Variants in WWOX observed in about 807,000 individuals in gnomAD.
WWOX encodes the protein WW domain containing oxidoreductase.
In WWOX, 69 loss-of-function variants were observed where a neutral mutation model predicts 46.2. The observed-to-expected ratio is 1.49, with a 90% CI of 1.23 to 1.82. The LOEUF (loss-of-function observed/expected upper bound fraction) is 1.82, where lower values mean the gene tolerates loss of function less well. Ranked by LOEUF, WWOX falls within the 40% of genes most tolerant of loss-of-function variation. The pLI is 0.00. For synonymous variants in WWOX, 359 were observed against 202.6 expected, an observed-to-expected ratio of 1.77 and a Z score of -6.56; for missense variants, 919 against 542.6, an observed-to-expected ratio of 1.69 and a Z score of -6.89.
chr16:78,850,882 A>G (rs918910089), intron 8 of WWOX, among the ~76,000 whole-genome samples: 1 of 152,192 alleles, frequency 6.6e-6, no homozygotes, highest in East Asian at 1.9e-4. Flanking sequence ...TTGGCTCAAC[A>G]TGGAAGATTT....
intron 5 of WWOX, among the ~76,000 whole-genome samples, chr16:78,224,676 G>A (rs150807815): frequency 1.1e-4 from 16 of 152,182 alleles, no homozygotes; most frequent in Non-Finnish European, 5.9e-5. Flanking sequence ...GCGCTTGGAA[G>A]TGCTGGTTCC....
At chr16:79,131,123 C>T (rs978215196) in intron 8 of WWOX, among the ~76,000 whole-genome samples, 1 of 152,188 alleles carries the variant, frequency 6.6e-6, no homozygotes, top group Non-Finnish European at 1.5e-5. Flanking sequence ...AGACTCCATG[C>T]TGCCCCTGCC....
intron 8 of WWOX, among the ~76,000 whole-genome samples, chr16:79,114,587 G>A (rs567257631): frequency 2.6e-5 from 4 of 152,026 alleles, no homozygotes; most frequent in African/African-American, 9.6e-5. Context: ...TAGAGCCTTC[G>A]GAGGGAGCGC....
chr16:78,943,893 A>C (rs1446276320), intron 8 of WWOX, among the ~76,000 whole-genome samples: 3 of 152,186 alleles, frequency 2.0e-5, no homozygotes, highest in Non-Finnish European at 4.4e-5. Context: ...GAGATGAAGC[A>C]GCAGCCACAG....
intron 8 of WWOX, among the ~76,000 whole-genome samples, chr16:78,558,643 G>C (rs1597264599): frequency 1.3e-5 from 2 of 152,212 alleles, no homozygotes; most frequent in South Asian, 2.1e-4. Flanking sequence ...CTTACACCTA[G>C]CTGTTGTGTT....
At chr16:78,985,871 C>G (rs1192644073) in intron 8 of WWOX, among the ~76,000 whole-genome samples, 5 of 152,242 alleles carry the variant, frequency 3.3e-5, no homozygotes, top group Non-Finnish European at 7.3e-5. Context: ...TGCCTGCATT[C>G]CAAATGGCTG....
chr16:78,421,661 G>T (rs2082935007), intron 6 of WWOX, among the ~76,000 whole-genome samples: 1 of 152,184 alleles, frequency 6.6e-6, no homozygotes, highest in Non-Finnish European at 1.5e-5. Context: ...ATGGGAGGTT[G>T]CTATGGGAAT....
chr16:78,203,773 TGC>T (rs1336728788), intron 5 of WWOX, among the ~76,000 whole-genome samples: 3 of 152,172 alleles, frequency 2.0e-5, no homozygotes, highest in Non-Finnish European at 4.4e-5. Flanking sequence ...GGCAAGCGCG[TGC>T]TAGTTATTTT....
In WWOX at chr16:79,185,292, A is replaced by G. The variant is rs573811186; in HGVS notation, c.1057-26316A>G. Among the ~76,000 whole-genome samples the G allele has an allele frequency of 6.8e-4, 104 of 152,366 alleles. 1 individual carries two copies. In the South Asian group the frequency reaches 0.022, roughly 32 times the overall value. On this transcript the variant is annotated intron_variant, in intron 8 of 8. Transcript: ENST00000566780. ...GCCTCTCTTCAATAAGAGCAGAGGC[A>G]GTCTCAATAAAAAACAAAATTTCAA...
chr16:78,100,865 T>C (rs2031730163), intron 1 of WWOX, among the ~76,000 whole-genome samples: 1 of 152,180 alleles, frequency 6.6e-6, no homozygotes, highest in African/African-American at 2.4e-5. Context: ...ATACACGTTT[T>C]GGGTCTCCAT....
At chr16:79,068,096 G>A (rs1186295009) in intron 8 of WWOX, among the ~76,000 whole-genome samples, 1 of 152,198 alleles carries the variant, frequency 6.6e-6, no homozygotes, top group Non-Finnish European at 1.5e-5. Flanking sequence ...TGGGAGGGGG[G>A]CTCCGGAAGA....
At position 79,111,750 on chromosome 16, in the gene WWOX, A is replaced by C. The variant is rs1028020875; in HGVS notation, c.1057-99858A>C. ...CACAGTGACAAAAGTATTTAGGCTCATCATATTAGAATTTCATCCAAAGAA... is the reference window on the plus strand; with the variant it reads ...CACAGTGACAAAAGTATTTAGGCTCCTCATATTAGAATTTCATCCAAAGAA... On this transcript the variant is annotated intron_variant, in intron 8 of 8. Transcript: ENST00000566780. Among the ~76,000 whole-genome samples, 4 of 152,316 alleles carry C rather than the reference A, an allele frequency of 2.6e-5. 1 individual carries two copies. In the South Asian group the frequency reaches 6.2e-4, roughly 24 times the overall value.
chr16:78,812,871 C>A (rs1036016979), intron 8 of WWOX, among the ~76,000 whole-genome samples: 10 of 152,306 alleles, frequency 6.6e-5, no homozygotes, highest in African/African-American at 2.2e-4. Context: ...TATTTTCTAT[C>A]ATTTCACATC....
chr16:78,653,534 C>A (rs1245867774), intron 8 of WWOX, among the ~76,000 whole-genome samples: 1 of 152,194 alleles, frequency 6.6e-6, no homozygotes, highest in Non-Finnish European at 1.5e-5. Flanking sequence ...TTTCCTACTC[C>A]TAAAAGAGAT....
At position 78,748,177 on chromosome 16, in the gene WWOX, C is replaced by A. The variant is rs377047725; in HGVS notation, c.1056+315425C>A. On this transcript the variant is annotated intron_variant, in intron 8 of 8. Coordinates refer to ENST00000566780, the MANE Select transcript of WWOX (RefSeq NM_016373.4). Reference sequence around the variant, plus strand: ...GTGTCATTGCCGAATTCCTGAGCTACAAAGGTGAACAGGCACCAAAGCTAG... The same window carrying A: ...GTGTCATTGCCGAATTCCTGAGCTAAAAAGGTGAACAGGCACCAAAGCTAG... Among the ~76,000 whole-genome samples the A allele has an allele frequency of 1.5e-3, 223 of 152,238 alleles. 1 individual carries two copies. The highest frequency in any genetic ancestry group is 5.0e-3 in the African/African-American group (207 of 41,546).
At chr16:78,988,931 T>C (rs2046832349) in intron 8 of WWOX, among the ~76,000 whole-genome samples, 1 of 152,108 alleles carries the variant, frequency 6.6e-6, no homozygotes, top group African/African-American at 2.4e-5. Context: ...CTTTTCAGCT[T>C]TGTTGGAAGG....
chr16:78,398,204 A>C (rs1171509919), intron 6 of WWOX, among the ~76,000 whole-genome samples: 1 of 152,202 alleles, frequency 6.6e-6, no homozygotes, highest in African/African-American at 2.4e-5. Flanking sequence ...ATGTCCTGCT[A>C]TCTGACCTGC....
intron 5 of WWOX, among the ~76,000 whole-genome samples, chr16:78,269,697 A>G (rs556694481): frequency 2.0e-5 from 3 of 152,328 alleles, no homozygotes; most frequent in Admixed American, 6.5e-5. Context: ...CAGCATTTCA[A>G]TGTATATTGT....
intron 8 of WWOX, among the ~76,000 whole-genome samples, chr16:79,079,327 T>G (rs1194994152): frequency 6.6e-6 from 1 of 152,184 alleles, no homozygotes; most frequent in South Asian, 2.1e-4. Context: ...TTTGCCTCTC[T>G]TTTTTTCTTG....
Sources: gnomAD v4.1 joint callset for allele counts (sites outside exome capture counted in the v4.1 genomes callset) on GRCh38, gnomAD v4.1.1 for gene constraint, MANE v1.5 for transcripts, NCBI Gene and HGNC (gene_info 2026-07-23, HGNC 2026-07-21) for gene names.